The following RAB3C variants were observed in gnomAD, a reference collection of about 807,000 sequenced individuals.
RAB3C encodes the protein ras-related protein Rab-3C.
RAB3C carries 17 observed loss-of-function variants against 26.4 expected under a neutral mutation model. That is an observed-to-expected ratio of 0.64 (90% CI 0.44 to 0.97). The LOEUF is 0.97. Ranked by LOEUF, RAB3C falls within the 50% of genes least tolerant of loss-of-function variation. RAB3C has a pLI of 0.00. For synonymous variants in RAB3C, 91 were observed against 95.9 expected, an observed-to-expected ratio of 0.95 and a Z score of 0.30; for missense variants, 242 against 281.9, an observed-to-expected ratio of 0.86 and a Z score of 1.01.
At chr5:58,630,411 A>C (rs1393946593) in intron 2 of RAB3C, among the ~76,000 whole-genome samples, 1 of 152,206 alleles carries the variant, frequency 6.6e-6, no homozygotes, top group East Asian at 1.9e-4. Context: ...AAATGAAGAA[A>C]ATTAAAAATA....
At chr5:58,595,439 G>A (rs1477765172) in intron 1 of RAB3C, among the ~76,000 whole-genome samples, 1 of 152,054 alleles carries the variant, frequency 6.6e-6, no homozygotes, top group Non-Finnish European at 1.5e-5. Flanking sequence ...CTGGTGGAGA[G>A]CTCTAGGATC....
At chr5:58,674,617 A>G (rs1748186185) in intron 2 of RAB3C, among the ~76,000 whole-genome samples, 1 of 152,258 alleles carries the variant, frequency 6.6e-6, no homozygotes, top group African/African-American at 2.4e-5. Context: ...TCAATACAAT[A>G]CAATAATGCA....
intron 3 of RAB3C, among the ~76,000 whole-genome samples, chr5:58,800,351 C>G (rs985483613): frequency 2.6e-5 from 4 of 152,154 alleles, no homozygotes; most frequent in Non-Finnish European, 4.4e-5. Context: ...TTTAGGCAGG[C>G]AGGAGGGAAA....
chr5:58,592,002 G>A (rs1421590451), intron 1 of RAB3C, among the ~76,000 whole-genome samples: 2 of 150,470 alleles, frequency 1.3e-5, no homozygotes, highest in Non-Finnish European at 3.0e-5. Context: ...GGGTTCAAGC[G>A]ATTCTCCTGC....
intron 2 of RAB3C, among the ~76,000 whole-genome samples, chr5:58,690,717 G>T (rs1046317795): frequency 2.0e-5 from 3 of 152,036 alleles, no homozygotes; most frequent in Non-Finnish European, 2.9e-5. Context: ...TTCTGCTTAG[G>T]CTGAGAAATG....
intron 3 of RAB3C, among the ~76,000 whole-genome samples, chr5:58,754,971 C>T (rs1741623655): frequency 2.0e-5 from 3 of 150,800 alleles, no homozygotes; most frequent in Admixed American, 2.0e-4. Flanking sequence ...GGCAAGGAAA[C>T]AAACAAGTGA....
chr5:58,851,299 A>T lies in RAB3C; in HGVS notation c.632A>T (p.Asn211Ile). 6.2e-7 allele frequency: 1 copy of T among 1,612,564 alleles called. No homozygotes were observed. Among genetic ancestry groups the T allele is most frequent in the East Asian group, 2.2e-5 (1 of 44,850 alleles). ...TDPAITAAKQ[N>I]TRLKETPPPP... is the part of the protein sequence containing the mutation. ...CCTGCCATCACTGCTGCAAAGCAGA[A>T]CACGAGACTCAAGGAAACTCCTCCT... The change falls in exon 5 of 5, where the codon AAC (asparagine) becomes ATC (isoleucine). Residue 211 changes from asparagine to isoleucine, a missense_variant. Coordinates refer to ENST00000282878, the MANE Select transcript of RAB3C (RefSeq NM_138453.4).
chr5:58,644,060 A>T (rs546827081), intron 2 of RAB3C, among the ~76,000 whole-genome samples: 2 of 152,120 alleles, frequency 1.3e-5, no homozygotes, highest in Non-Finnish European at 2.9e-5. Context: ...ACCTCAGGTG[A>T]TCCACCTGCC....
At chr5:58,711,736 A>T (rs1749066111) in intron 2 of RAB3C, among the ~76,000 whole-genome samples, 1 of 152,154 alleles carries the variant, frequency 6.6e-6, no homozygotes, top group South Asian at 2.1e-4. Flanking sequence ...CATATAACTG[A>T]TACCATGTCA....
intron 3 of RAB3C, 23 bp downstream of exon 3, chr5:58,726,143 A>G (rs1444005854): frequency 8.5e-7 from 1 of 1,173,742 alleles, no homozygotes; most frequent in Non-Finnish European, 1.3e-6. Flanking sequence ...AAATACTCTT[A>G]TTACTGATAA....
chr5:58,743,785 G>A (rs1741332675), intron 3 of RAB3C, among the ~76,000 whole-genome samples: 1 of 152,104 alleles, frequency 6.6e-6, no homozygotes, highest in Non-Finnish European at 1.5e-5. Context: ...TGCAATGTGA[G>A]GTCACATTGA....
At chr5:58,838,949 A>G (rs1743811106) in intron 4 of RAB3C, among the ~76,000 whole-genome samples, 1 of 151,600 alleles carries the variant, frequency 6.6e-6, no homozygotes, top group East Asian at 1.9e-4. Context: ...TTATTATTAT[A>G]TTGTATCCTC....
intron 3 of RAB3C, among the ~76,000 whole-genome samples, chr5:58,740,508 T>C (rs933016224): frequency 2.0e-5 from 3 of 152,322 alleles, no homozygotes; most frequent in Non-Finnish European, 4.4e-5. Flanking sequence ...CTTGTTTGTA[T>C]TGACTATTTT....
chr5:58,765,502 C>A (rs1321332636), intron 3 of RAB3C, among the ~76,000 whole-genome samples: 1 of 152,196 alleles, frequency 6.6e-6, no homozygotes. Flanking sequence ...TACTCCTAAT[C>A]TAACCACCAT....
At chr5:58,797,289 G>A (rs2112021597) in intron 3 of RAB3C, among the ~76,000 whole-genome samples, 1 of 143,534 alleles carries the variant, frequency 7.0e-6, no homozygotes, top group African/African-American at 2.6e-5. Flanking sequence ...CTTACTAACT[G>A]ACTGGCAGTG....
chr5:58,796,815 G>T (rs921615793), intron 3 of RAB3C, among the ~76,000 whole-genome samples: 6 of 152,090 alleles, frequency 3.9e-5, no homozygotes, highest in African/African-American at 1.2e-4. Flanking sequence ...GCTGCTGGAG[G>T]TTCCTATGGC....
chr5:58,666,480 A>C (rs1748004631), intron 2 of RAB3C, among the ~76,000 whole-genome samples: 2 of 152,192 alleles, frequency 1.3e-5, no homozygotes, highest in African/African-American at 2.4e-5. Flanking sequence ...AATGAGAATC[A>C]CTTGGAGTAT....
At chr5:58,615,535 G>A (rs1271623336) in intron 1 of RAB3C, among the ~76,000 whole-genome samples, 1 of 152,098 alleles carries the variant, frequency 6.6e-6, no homozygotes, top group African/African-American at 2.4e-5. Flanking sequence ...CATGGCAAAA[G>A]ATCATTGTTC....
At chr5:58,664,655 C>T (rs1747968765) in intron 2 of RAB3C, among the ~76,000 whole-genome samples, 2 of 152,056 alleles carry the variant, frequency 1.3e-5, no homozygotes, top group South Asian at 4.1e-4. Context: ...CACAGGATCT[C>T]TTTATATCAT....
Sources: gnomAD v4.1 joint callset for allele counts (sites outside exome capture counted in the v4.1 genomes callset) on GRCh38, gnomAD v4.1.1 for gene constraint, MANE v1.5 for transcripts, NCBI Gene and HGNC (gene_info 2026-07-23, HGNC 2026-07-21) for gene names.